The following RMND5A variants were observed in gnomAD, a reference collection of about 807,000 sequenced individuals.
RMND5A encodes the protein required for meiotic nuclear division 5 homolog A, also known as E3 ubiquitin-protein transferase RMND5A.
RMND5A carries 17 observed loss-of-function variants against 49.7 expected under a neutral mutation model. That is an observed-to-expected ratio of 0.34 (90% CI 0.23 to 0.51). The LOEUF is 0.51. Ranked by LOEUF, RMND5A falls within the 20% of genes least tolerant of loss-of-function variation. The pLI is 0.96. For missense variants in RMND5A, 255 were observed against 471.3 expected, an observed-to-expected ratio of 0.54 and a Z score of 4.25; for synonymous variants, 156 against 167.7, an observed-to-expected ratio of 0.93 and a Z score of 0.54.
chr2:86,773,050 A>C (rs1033793649), intron 8 of RMND5A, among the ~76,000 whole-genome samples: 18 of 152,242 alleles, frequency 1.2e-4, no homozygotes, highest in African/African-American at 4.1e-4. Context: ...ACCTTTGGGA[A>C]AGAGAAATTG....
chr2:86,772,268 T>C (rs1672695826), intron 8 of RMND5A, among the ~76,000 whole-genome samples: 1 of 151,986 alleles, frequency 6.6e-6, no homozygotes, highest in South Asian at 2.1e-4. Flanking sequence ...GCTAACACGG[T>C]GAAATCCCAT....
At chr2:86,749,641 C>T (rs544483239) in intron 2 of RMND5A, among the ~76,000 whole-genome samples, 28 of 152,252 alleles carry the variant, frequency 1.8e-4, no homozygotes, top group Non-Finnish European at 3.7e-4. Context: ...CCTCCCACCT[C>T]GGCCTCCCAA....
Position 86,720,606 on chromosome 2 carries a change from G to C in RMND5A, c.-62G>C. On this transcript the variant is annotated 5_prime_UTR_variant, in exon 1 of 9. Coordinates refer to ENST00000283632, the MANE Select transcript of RMND5A (RefSeq NM_022780.4). ...GAGGAGCAGGACGCGGCCTCGGTGG[G>C]GCCCGGGCCGAACGGCTGCGGACAC... 6.9e-7 allele frequency: 1 copy of C among 1,449,022 alleles called. No homozygotes were observed. The highest frequency in any genetic ancestry group is 2.8e-5 in the East Asian group (1 of 35,138). The allele number at this position is 1,449,022 out of a possible 1,614,324, so 89.8% of individuals were successfully genotyped here.
intron 1 of RMND5A, chr2:86,721,055 G>T (rs1041954589): frequency 2.4e-5 from 10 of 413,930 alleles, no homozygotes; most frequent in Non-Finnish European, 2.2e-5. Context: ...GGGAGCGGCG[G>T]GCTCCAGTCC....
chr2:86,746,672 T>C (rs1681542810), intron 2 of RMND5A, among the ~76,000 whole-genome samples: 1 of 152,226 alleles, frequency 6.6e-6, no homozygotes, highest in Non-Finnish European at 1.5e-5. Context: ...ACTCTACATA[T>C]GAATTTCTCT....
At chr2:86,746,138 A>T (rs1380239513) in intron 2 of RMND5A, among the ~76,000 whole-genome samples, 6 of 152,318 alleles carry the variant, frequency 3.9e-5, no homozygotes, top group Non-Finnish European at 8.8e-5. Context: ...ACTGCCTTTT[A>T]TGTTGGTATG....
chr2:86,744,637 A>G (rs999208078), intron 2 of RMND5A, among the ~76,000 whole-genome samples: 38 of 152,318 alleles, frequency 2.5e-4, no homozygotes, highest in African/African-American at 8.7e-4. Context: ...GTCTCTGAAA[A>G]TATAAGCAGA....
chr2:86,747,319 A>G (rs1681554248), intron 2 of RMND5A, among the ~76,000 whole-genome samples: 4 of 152,030 alleles, frequency 2.6e-5, no homozygotes, highest in African/African-American at 9.7e-5. Flanking sequence ...CCATTTGTGC[A>G]TTTCATGTTC....
intron 4 of RMND5A, among the ~76,000 whole-genome samples, chr2:86,758,363 TA>T (rs1681784482): frequency 6.6e-6 from 1 of 151,816 alleles, no homozygotes; most frequent in Admixed American, 6.5e-5. Context: ...CATATAGAAC[TA>T]TTTTTTTTTT....
chr2:86,740,276 C>A (rs772526335), intron 1 of RMND5A, among the ~76,000 whole-genome samples: 7 of 18 alleles, frequency 0.39, 1 homozygote, highest in Admixed American at 0.75. Context: ...CAGCCCTCGT[C>A]CGTGGAAGAA....
intron 4 of RMND5A, among the ~76,000 whole-genome samples, chr2:86,760,852 A>G (rs1573442151): frequency 2.0e-5 from 3 of 152,342 alleles, no homozygotes; most frequent in East Asian, 3.9e-4. Flanking sequence ...TCCTGTCACT[A>G]TAAAGACGAG....
intron 4 of RMND5A, among the ~76,000 whole-genome samples, chr2:86,760,817 A>G (rs1275402696): frequency 2.0e-5 from 3 of 152,240 alleles, no homozygotes; most frequent in South Asian, 2.1e-4. Context: ...ACAGGAAGCT[A>G]ATGGTACAAA....
At chr2:86,748,561 A>G (rs1047918380) in intron 2 of RMND5A, 1 of 152,248 alleles carries the variant, frequency 6.6e-6, no homozygotes, top group African/African-American at 2.4e-5. Flanking sequence ...ATAGAGATAC[A>G]CATAGGGCAT....
At position 86,775,996 on chromosome 2, in the gene RMND5A, G is replaced by T. The variant is rs185411748; in HGVS notation, c.*2585G>T. The T allele has an allele frequency of 2.0e-5, 3 of 152,192 alleles. No homozygotes were observed. The highest frequency in any genetic ancestry group is 2.9e-5 in the Non-Finnish European group (2 of 68,034). The allele number at this position is 152,192 out of a possible 1,614,324, so 9.4% of individuals were successfully genotyped here. On this transcript the variant is annotated 3_prime_UTR_variant, in exon 9 of 9. Coordinates refer to ENST00000283632, the MANE Select transcript of RMND5A (RefSeq NM_022780.4). ...CAAAAGATAATATGATAGAGGCAAC[G>T]TTTATAACAGTCACATTTAATTATA...
At chr2:86,745,921 G>T (rs1363800310) in intron 2 of RMND5A, among the ~76,000 whole-genome samples, 1 of 152,148 alleles carries the variant, frequency 6.6e-6, no homozygotes, top group Non-Finnish European at 1.5e-5. Flanking sequence ...AATCACTGAG[G>T]CCATTGCAGA....
At chr2:86,773,016 C>T (rs548584650) in intron 8 of RMND5A, among the ~76,000 whole-genome samples, 1 of 152,248 alleles carries the variant, frequency 6.6e-6, no homozygotes, top group South Asian at 2.1e-4. Context: ...ATTTGAAATT[C>T]ATTTAAAGAC....
intron 2 of RMND5A, among the ~76,000 whole-genome samples, chr2:86,747,954 A>G (rs1348511661): frequency 6.6e-6 from 1 of 152,142 alleles, no homozygotes; most frequent in African/African-American, 2.4e-5. Context: ...ACACCCTTGG[A>G]TGTGTGCTTT....
rs1672731192 is a variant in RMND5A at position 86,774,387 on chromosome 2, A to G, written c.*976A>G. 1 of 152,660 alleles carries G rather than the reference A, an allele frequency of 6.6e-6. No individual in the cohort carries two copies. Among genetic ancestry groups the G allele is most frequent in the African/African-American group, 2.4e-5 (1 of 41,464 alleles). The allele number at this position is 152,660 out of a possible 1,614,324, so 9.5% of individuals were successfully genotyped here. ...ACCAGACCCATCACTTTAAATCCTT[A>G]AAGTTAGAAGCTAGCAAATTTTCTG... On this transcript the variant is annotated 3_prime_UTR_variant, in exon 9 of 9. Transcript: ENST00000283632.
intron 2 of RMND5A, among the ~76,000 whole-genome samples, chr2:86,744,111 C>T (rs1681496710): frequency 1.3e-5 from 2 of 152,050 alleles, no homozygotes; most frequent in Admixed American, 6.5e-5. Flanking sequence ...TCTTTCAGTA[C>T]ACACTCTCCC....
Sources: gnomAD v4.1 joint callset for allele counts (sites outside exome capture counted in the v4.1 genomes callset) on GRCh38, gnomAD v4.1.1 for gene constraint, MANE v1.5 for transcripts, NCBI Gene and HGNC (gene_info 2026-07-23, HGNC 2026-07-21) for gene names.